Variants in MAGI1 observed in about 807,000 individuals in gnomAD.
The protein encoded by MAGI1 is membrane-associated guanylate kinase, WW and PDZ domain-containing protein 1.
In MAGI1, 58 loss-of-function variants were observed where a neutral mutation model predicts 139.9. That is an observed-to-expected ratio of 0.41 (90% CI 0.34 to 0.52). MAGI1 has a LOEUF of 0.52. Ranked by LOEUF, MAGI1 falls within the 20% of genes least tolerant of loss-of-function variation. The pLI is 0.12. For missense variants in MAGI1, 1,874 were observed against 1,901.6 expected (o/e 0.99, Z 0.27); for synonymous variants, 812 against 737.9 (o/e 1.10, Z -1.63).
intron 1 of MAGI1, among the ~76,000 whole-genome samples, chr3:65,656,775 A>C (rs1405423165): frequency 6.6e-6 from 1 of 152,062 alleles, no homozygotes; most frequent in Non-Finnish European, 1.5e-5. Context: ...AAGTGGGCAG[A>C]TCATTTGAGG....
chr3:65,438,477 T>C (rs933060681), intron 9 of MAGI1, among the ~76,000 whole-genome samples: 2 of 152,232 alleles, frequency 1.3e-5, no homozygotes, highest in Non-Finnish European at 2.9e-5. Flanking sequence ...CACCACTTAA[T>C]ATACCCATGT....
chr3:65,597,930 G>A (rs1293252360), intron 2 of MAGI1: 7 of 452,296 alleles, frequency 1.5e-5, no homozygotes, highest in Admixed American at 2.4e-5. Context: ...GGGGGTGGGG[G>A]GGGGGTGGGA....
intron 1 of MAGI1, among the ~76,000 whole-genome samples, chr3:65,766,084 T>TATTTA (rs2107909220): frequency 6.6e-6 from 1 of 152,110 alleles, no homozygotes; most frequent in South Asian, 2.1e-4. Context: ...CAGCTATGGA[T>TATTTA]ATTTACATTT....
intron 22 of MAGI1, among the ~76,000 whole-genome samples, chr3:65,357,802 G>C (rs1014847971): frequency 6.6e-6 from 1 of 152,098 alleles, no homozygotes; most frequent in Non-Finnish European, 1.5e-5. Flanking sequence ...GGATTACAGA[G>C]GCAACATGCT....
intron 2 of MAGI1, among the ~76,000 whole-genome samples, chr3:65,584,856 C>T (rs1338833300): frequency 6.6e-6 from 1 of 152,154 alleles, no homozygotes; most frequent in Non-Finnish European, 1.5e-5. Context: ...TCATTTAAAT[C>T]TTTCTTGTAC....
chr3:65,706,427 C>A (rs909954859), intron 1 of MAGI1, among the ~76,000 whole-genome samples: 2 of 152,202 alleles, frequency 1.3e-5, no homozygotes, highest in African/African-American at 4.8e-5. Context: ...ATTACCCAGC[C>A]TCCATTCACT....
intron 1 of MAGI1, among the ~76,000 whole-genome samples, chr3:65,944,198 G>C (rs571418478): frequency 6.6e-6 from 1 of 152,258 alleles, no homozygotes; most frequent in African/African-American, 2.4e-5. Context: ...AATGTTACTT[G>C]TTAAGCAGGC....
chr3:65,545,115 A>T (rs1267524406), intron 2 of MAGI1, among the ~76,000 whole-genome samples: 1 of 152,190 alleles, frequency 6.6e-6, no homozygotes, highest in Non-Finnish European at 1.5e-5. Flanking sequence ...ACACATATGA[A>T]AACTTCAGAC....
At chr3:65,728,975 T>A (rs1393281990) in intron 1 of MAGI1, among the ~76,000 whole-genome samples, 1 of 152,152 alleles carries the variant, frequency 6.6e-6, no homozygotes, top group Non-Finnish European at 1.5e-5. Context: ...TAAATAGGAA[T>A]GACATGCAGT....
intron 1 of MAGI1, among the ~76,000 whole-genome samples, chr3:65,667,565 A>G (rs532592317): frequency 6.6e-6 from 1 of 152,220 alleles, no homozygotes; most frequent in Non-Finnish European, 1.5e-5. Flanking sequence ...GAAGAAACCA[A>G]TTGAATTTTA....
At chr3:65,430,986 G>A in intron 10 of MAGI1, 105 bp from the exon 11 acceptor site, 18 of 1,039,932 alleles carry the variant, frequency 1.7e-5, no homozygotes, top group Non-Finnish European at 2.4e-5. Flanking sequence ...TTATGCCCTA[G>A]AGCCTTTGGG....
intron 1 of MAGI1, among the ~76,000 whole-genome samples, chr3:65,881,364 C>T (rs2060320297): frequency 6.8e-6 from 1 of 146,494 alleles, no homozygotes; most frequent in South Asian, 2.1e-4. Context: ...CAGTGGCTCA[C>T]ACCTGTAATC....
chr3:65,550,845 C>A (rs2079792116), intron 2 of MAGI1, among the ~76,000 whole-genome samples: 1 of 151,904 alleles, frequency 6.6e-6, no homozygotes, highest in African/African-American at 2.4e-5. Flanking sequence ...GGGGCATGCA[C>A]CTGTAGTCCC....
intron 1 of MAGI1, chr3:66,008,854 A>G (rs1158199300): frequency 6.6e-6 from 1 of 152,348 alleles, no homozygotes. Context: ...TTGTAGCTCT[A>G]AATACTTTGA....
intron 13 of MAGI1, among the ~76,000 whole-genome samples, chr3:65,400,750 ATTTTTT>A (rs767598706): frequency 0.014 from 845 of 60,450 alleles, 6 homozygotes; most frequent in African/African-American, 0.025. Context: ...CAAAACATTG[ATTTTTT>A]TTTTTTTTTT....
chr3:65,546,759 T>TTC (rs2107938680), intron 2 of MAGI1, among the ~76,000 whole-genome samples: 1 of 152,298 alleles, frequency 6.6e-6, no homozygotes, highest in Admixed American at 6.5e-5. Context: ...GTGGTGTTAA[T>TTC]TCTCCCAGCT....
At chr3:65,957,742 T>C (rs980496931) in intron 1 of MAGI1, among the ~76,000 whole-genome samples, 3 of 152,018 alleles carry the variant, frequency 2.0e-5, no homozygotes, top group African/African-American at 7.3e-5. Flanking sequence ...GTTGCTATTA[T>C]GTTTTAGTTC....
At chr3:65,480,103 C>T (rs1227568502) in intron 3 of MAGI1, among the ~76,000 whole-genome samples, 4 of 151,244 alleles carry the variant, frequency 2.6e-5, no homozygotes, top group Non-Finnish European at 5.9e-5. Context: ...AGGATCCAAC[C>T]CCATTGTCTA....
At chr3:65,549,539 C>A in intron 2 of MAGI1, 2 of 943,358 alleles carry the variant, frequency 2.1e-6, no homozygotes, top group African/African-American at 1.8e-5. Flanking sequence ...ATGGGGCTCG[C>A]AGGCAGTAGG....
Sources: allele counts gnomAD v4.1 joint callset (sites outside exome capture counted in the v4.1 genomes callset), GRCh38; gene constraint gnomAD v4.1.1; transcripts MANE v1.5; gene names NCBI Gene and HGNC (gene_info 2026-07-23, HGNC 2026-07-21).